The following AGXT variants were observed in gnomAD, a reference collection of about 807,000 sequenced individuals.
The protein encoded by AGXT is L-alanine: glyoxylate aminotransferase 1.
Under a neutral mutation model 46.9 loss-of-function variants are expected in AGXT, and 41 were observed. The ratio of observed to expected loss-of-function variants is 0.88; its 90% CI spans 0.68 to 1.14. The LOEUF is 1.14. Among genes scored for constraint, AGXT ranks in the 50% most tolerant of loss-of-function variants. The pLI is 0.00. For missense variants in AGXT, 525 were observed against 522.7 expected, an observed-to-expected ratio of 1.00 and a Z score of -0.04; for synonymous variants, 244 against 227.9, an observed-to-expected ratio of 1.07 and a Z score of -0.64.
In AGXT at chr2:240,868,997, G is replaced by A. The variant is rs1443921633; in HGVS notation, c.132G>A (p.Gln44=). The change falls in exon 1 of 11, where the codon CAG becomes CAA. Residue 44 remains glutamine (Q), a synonymous_variant. Coordinates refer to ENST00000307503, the MANE Select transcript of AGXT (RefSeq NM_000030.3). ...GCATCATGGCAGCCGGGGGGCTGCA[G>A]ATGATCGGGTCCATGAGCAAGGATA... ...PPRIMAAGGL[Q]MIGSMSKDMY... 6 of 1,497,766 alleles carry A rather than the reference G, an allele frequency of 4.0e-6. No homozygotes were observed. 92.8% of individuals were successfully genotyped at this position (1,497,766 alleles called of 1,614,324 possible).
At chr2:240,873,140 C>G in intron 5 of AGXT, 91 bp downstream of exon 5, 1 of 1,160,378 alleles carries the variant, frequency 8.6e-7, no homozygotes. Context: ...GTCCAGCAGC[C>G]GATGCTGCGG....
In AGXT at chr2:240,877,597, C is replaced by T. The variant is rs180177294; in HGVS notation, c.907C>T (p.Gln303Ter). 4.5e-6 allele frequency: 7 copies of T among 1,550,848 alleles called. No homozygotes were observed. Among genetic ancestry groups the T allele is most frequent in the Non-Finnish European group, 6.1e-6 (7 of 1,147,000 alleles). ...CGCGGCGTATCTGCATGGGCGCCTG[C>T]AGGCACTGGGGCTGCAGCTCTTCGT... is the stretch of plus-strand genomic sequence containing the variant. ...EAAAYLHGRLQALGLQLFVKD... is the reference protein window; with the variant it reads ...EAAAYLHGRL The change falls in exon 9 of 11, where the codon CAG becomes TAG. Residue 303 changes from glutamine (Q) to a stop codon, truncating the protein, a stop_gained. Coordinates refer to ENST00000307503, the MANE Select transcript of AGXT (RefSeq NM_000030.3). LOFTEE classifies it high-confidence loss of function.
chr2:240,873,487 A>C (rs988500511), intron 5 of AGXT: 1 of 262,780 alleles, frequency 3.8e-6, no homozygotes, highest in African/African-American at 2.2e-5. Flanking sequence ...AGGGAACCTC[A>C]ACCAGGCCGG....
chr2:240,871,041 T>C (rs958550106), intron 3 of AGXT: 11 of 576,438 alleles, frequency 1.9e-5, no homozygotes, highest in African/African-American at 1.9e-4. Context: ...TACCCCACCC[T>C]GTGGGCTGAA....
rs1318700267 is a variant in AGXT at position 240,873,069 on chromosome 2, G to A, written c.595+20G>A. On this transcript the variant is annotated intron_variant, in intron 5 of 10. Coordinates refer to ENST00000307503, the MANE Select transcript of AGXT (RefSeq NM_000030.3). ...GGCAAGGTAAGGGTGGGCTCTGAGA[G>A]CCCTACCCAGCCCAAGCAGCCTTGG... 3 of 1,606,974 alleles carry A rather than the reference G, an allele frequency of 1.9e-6. No individual in the cohort carries two copies. In the Admixed American group the frequency reaches 5.0e-5, roughly 27 times the overall value.
chr2:240,878,737 C>T lies in AGXT; in HGVS notation c.1095C>T (p.Gly365=), dbSNP rs1177328581. 6.4e-7 allele frequency: 1 copy of T among 1,572,954 alleles called. No homozygotes were observed. Among genetic ancestry groups the T allele is most frequent in the South Asian group, 1.2e-5 (1 of 85,752 alleles). ...TGKVLRIGLL[G]CNATRENVDR... is the part of the protein sequence containing the mutation. The stretch of plus-strand genomic sequence containing the variant: ...AGGTGCTGCGGATCGGCCTGCTGGG[C>T]TGCAATGCCACCCGCGAGAATGTGG... Residue 365 remains glycine, a synonymous_variant, in exon 11 of 11, where the codon GGC becomes GGT. Transcript: ENST00000307503.
intron 8 of AGXT, 173 bp from the exon 9 acceptor site, chr2:240,877,364 T>C (rs2059030960): frequency 4.2e-6 from 3 of 709,598 alleles, no homozygotes; most frequent in Non-Finnish European, 7.7e-6. Flanking sequence ...AGATGTTTCC[T>C]TCTGCCCTGG....
Position 240,878,698 on chromosome 2 carries a change from G to A in AGXT, c.1072-16G>A, listed in dbSNP as rs374990950. The A allele has an allele frequency of 1.8e-4, 279 of 1,544,068 alleles. No homozygotes were observed. Among genetic ancestry groups the A allele is most frequent in the Non-Finnish European group, 1.9e-4 (215 of 1,148,236 alleles). ...CCAGGCGGGAGGCTGACGTCAGCCC[G>A]CCCTGTGCCCCCCAGGTGCTGCGGA... On this transcript the variant is annotated splice_polypyrimidine_tract_variant and intron_variant, in intron 10 of 10. Coordinates refer to ENST00000307503, the MANE Select transcript of AGXT (RefSeq NM_000030.3).
In AGXT at chr2:240,873,956, C is replaced by T. The variant is rs1488600219; in HGVS notation, c.596-22C>T. ...GCCCTGAGGTGGGACTCACCCGTCC[C>T]GAGCAAACCACCCATCTACAGGCAT... is the stretch of plus-strand genomic sequence containing the variant. On this transcript the variant is annotated intron_variant, in intron 5 of 10. Coordinates refer to ENST00000307503, the MANE Select transcript of AGXT (RefSeq NM_000030.3). 4 of 1,612,498 alleles carry T rather than the reference C, an allele frequency of 2.5e-6. No individual in the cohort carries two copies. The South Asian group carries it at 3.3e-5, about 13-fold the overall frequency.
At chr2:240,871,717 G>A (rs1003576445) in intron 4 of AGXT, among the ~76,000 whole-genome samples, 1 of 152,150 alleles carries the variant, frequency 6.6e-6, no homozygotes, top group Non-Finnish European at 1.5e-5. Flanking sequence ...AGAGGGCTTG[G>A]TGCAGACTTC....
At position 240,878,133 on chromosome 2, in the gene AGXT, G is replaced by A. The variant is rs775179638; in HGVS notation, c.1054G>A (p.Gly352Arg). The A allele has an allele frequency of 6.2e-7, 1 of 1,612,956 alleles. No individual in the cohort carries two copies. Among genetic ancestry groups the A allele is most frequent in the Admixed American group, 1.7e-5 (1 of 59,996 alleles). The change falls in exon 10 of 11, where the codon GGG (glycine) becomes AGG (arginine). Residue 352 changes from glycine (G) to arginine (R), a missense_variant. Transcript: ENST00000307503. Reference sequence around the variant, plus strand: ...CGACATTGAGATCATGGGTGGCCTTGGGCCCTCCACGGGGAAGGTGAGAGG... The same window carrying A: ...CGACATTGAGATCATGGGTGGCCTTAGGCCCTCCACGGGGAAGGTGAGAGG... Reference protein sequence around the residue: ...HFDIEIMGGLGPSTGKVLRIG... With the variant: ...HFDIEIMGGLRPSTGKVLRIG...
chr2:240,869,860 G>A (rs576751053), intron 2 of AGXT, among the ~76,000 whole-genome samples: 1 of 152,334 alleles, frequency 6.6e-6, no homozygotes, highest in Admixed American at 6.5e-5. Context: ...CACAGGAGCA[G>A]GAGTGTGCCC....
At chr2:240,876,084 T>C in intron 8 of AGXT, 80 bp downstream of exon 8, 1 of 1,488,288 alleles carries the variant, frequency 6.7e-7, no homozygotes, top group East Asian at 2.4e-5. Context: ...GAAGGAACCA[T>C]CCCTGGTGCA....
At chr2:240,874,990 C>G in intron 6 of AGXT, 119 bp from the exon 7 acceptor site, 1 of 818,156 alleles carries the variant, frequency 1.2e-6, no homozygotes, top group Non-Finnish European at 2.1e-6. Flanking sequence ...GCAGCTGGGG[C>G]GGGCCCTCCT....
intron 3 of AGXT, 163 bp from the exon 4 acceptor site, chr2:240,871,186 A>C: frequency 1.5e-6 from 1 of 673,702 alleles, no homozygotes; most frequent in Non-Finnish European, 2.7e-6. Flanking sequence ...CTTGTCCCGG[A>C]GCGGAGATGC....
chr2:240,877,636 A>G lies in AGXT; in HGVS notation c.942+4A>G. On this transcript the variant is annotated splice_donor_region_variant and intron_variant, in intron 9 of 10. Coordinates refer to ENST00000307503, the MANE Select transcript of AGXT (RefSeq NM_000030.3). ...GCAGCTCTTCGTGAAGGACCCGGTAAGGAGGCCCCTGGCATTGGGCAGCCC... is the reference window on the plus strand; with the variant it reads ...GCAGCTCTTCGTGAAGGACCCGGTAGGGAGGCCCCTGGCATTGGGCAGCCC... 1 of 1,550,596 alleles carries G rather than the reference A, an allele frequency of 6.4e-7. No individual in the cohort carries two copies. The highest frequency in any genetic ancestry group is 8.7e-7 in the Non-Finnish European group (1 of 1,146,942).
chr2:240,873,425 C>T (rs1158686930), intron 5 of AGXT: 4 of 303,184 alleles, frequency 1.3e-5, no homozygotes, highest in African/African-American at 6.5e-5. Flanking sequence ...ATCTGCCCTG[C>T]GCCCTGCCAG....
intron 8 of AGXT, chr2:240,876,850 G>A (rs2059027344): frequency 5.8e-6 from 1 of 173,836 alleles, no homozygotes; most frequent in South Asian, 1.4e-4. Context: ...GTGTGAGCTG[G>A]GCAGAGAAGG....
chr2:240,875,026 G>T, intron 6 of AGXT, 83 bp from the exon 7 acceptor site: 1 of 1,309,292 alleles, frequency 7.6e-7, no homozygotes, highest in Non-Finnish European at 1.1e-6. Flanking sequence ...TCTCACTCCC[G>T]TGAAACAGGA....
Sources: gnomAD v4.1 joint callset for allele counts (sites outside exome capture counted in the v4.1 genomes callset) on GRCh38, gnomAD v4.1.1 for gene constraint, MANE v1.5 for transcripts, NCBI Gene and HGNC (gene_info 2026-07-23, HGNC 2026-07-21) for gene names.